MINDY2: variants seen among roughly 807,000 people sequenced by gnomAD.
MINDY2 encodes the protein ubiquitin carboxyl-terminal hydrolase MINDY-2.
MINDY2 carries 52 observed loss-of-function variants against 68.2 expected under a neutral mutation model. That is an observed-to-expected ratio of 0.76 (90% confidence interval 0.61 to 0.96). The LOEUF is 0.96. Among genes scored for constraint, MINDY2 ranks in the 40% least tolerant of loss-of-function variants. The pLI, the probability that MINDY2 is intolerant of heterozygous loss-of-function variation, is 0.00. For synonymous variants in MINDY2, 372 were observed against 303.0 expected (o/e 1.23, Z -2.36); for missense variants, 881 against 773.4 (o/e 1.14, Z -1.65).
intron 6 of MINDY2, among the ~76,000 whole-genome samples, chr15:58,840,747 C>T (rs1341212551): frequency 6.7e-6 from 1 of 148,960 alleles, no homozygotes; most frequent in Non-Finnish European, 1.5e-5. Flanking sequence ...AGCTCCGCCT[C>T]CCAGGTTCAT....
chr15:58,787,140 CTT>C (rs58374538), intron 1 of MINDY2, among the ~76,000 whole-genome samples: 140 of 78,148 alleles, frequency 1.8e-3, no homozygotes, highest in African/African-American at 7.4e-3. Flanking sequence ...CATTTCTTTA[CTT>C]TTTTTTTTTT....
chr15:58,789,230 C>T (rs956029905), intron 2 of MINDY2, among the ~76,000 whole-genome samples: 2 of 151,990 alleles, frequency 1.3e-5, no homozygotes, highest in Admixed American at 6.6e-5. Flanking sequence ...CCCAGCTACT[C>T]GGGAGGCTGA....
At chr15:58,820,092 C>T (rs769678763) in intron 4 of MINDY2, among the ~76,000 whole-genome samples, 5 of 152,044 alleles carry the variant, frequency 3.3e-5, no homozygotes, top group South Asian at 2.1e-4. Context: ...ATAGTGAAAC[C>T]GCAACTCTAC....
intron 7 of MINDY2, among the ~76,000 whole-genome samples, chr15:58,850,625 C>T (rs1244101208): frequency 6.6e-6 from 1 of 152,166 alleles, no homozygotes; most frequent in African/African-American, 2.4e-5. Flanking sequence ...TCTCAGTCAC[C>T]TAGGCTACAG....
rs1484665548 is a variant in MINDY2 at position 58,859,889 on chromosome 15, A to G, written c.*5279A>G. On this transcript the variant is annotated 3_prime_UTR_variant, in exon 9 of 9. Coordinates refer to ENST00000559228, the MANE Select transcript of MINDY2 (RefSeq NM_001040450.3). ...CTTGAAAAACGGGGTAAAATTCTTCAACTATTGCCTCAAGTTCAGTTTTGT... is the reference window on the plus strand; with the variant it reads ...CTTGAAAAACGGGGTAAAATTCTTCGACTATTGCCTCAAGTTCAGTTTTGT... The G allele has an allele frequency of 1.3e-5, 2 of 152,196 alleles. No individual in the cohort carries two copies. Among genetic ancestry groups the G allele is most frequent in the Non-Finnish European group, 2.9e-5 (2 of 68,030 alleles). The allele number at this position is 152,196 out of a possible 1,614,324, so 9.4% of individuals were successfully genotyped here.
At chr15:58,849,979 T>C (rs1206431067) in intron 7 of MINDY2, among the ~76,000 whole-genome samples, 2 of 152,132 alleles carry the variant, frequency 1.3e-5, no homozygotes, top group Non-Finnish European at 2.9e-5. Flanking sequence ...TCAAGTGATG[T>C]GCCCGCCTTG....
intron 3 of MINDY2, among the ~76,000 whole-genome samples, chr15:58,803,397 G>C (rs1478775806): frequency 3.3e-5 from 5 of 151,924 alleles, no homozygotes; most frequent in African/African-American, 1.2e-4. Flanking sequence ...GATCCCAGGA[G>C]GCGGAAGTTG....
At chr15:58,784,917 G>A (rs78778748) in intron 1 of MINDY2, among the ~76,000 whole-genome samples, 3,993 of 151,776 alleles carry the variant, frequency 0.026, 187 homozygotes, top group African/African-American at 0.089. Context: ...CTGTAGACGT[G>A]AGCCACCGTA....
At chr15:58,810,760 C>T (rs150223890) in intron 4 of MINDY2, among the ~76,000 whole-genome samples, 5 of 152,220 alleles carry the variant, frequency 3.3e-5, no homozygotes, top group East Asian at 1.9e-4. Flanking sequence ...CATTACAGGG[C>T]AAAGATACAG....
rs77064120 is a variant in MINDY2, at chr15:58,782,742, T to G, written c.841-5164T>G. Among the ~76,000 whole-genome samples, 348 of 148,904 alleles carry G rather than the reference T, an allele frequency of 2.3e-3. 11 individuals carry two copies. In the East Asian group the frequency reaches 0.046, roughly 20 times the overall value. On this transcript the variant is annotated intron_variant, in intron 1 of 8. Transcript: ENST00000559228. ...AATTGGCTTTGGTGTCTGATCTCACTTCTCATCACAGTACTTCTACTTACT... is the reference window on the plus strand; with the variant it reads ...AATTGGCTTTGGTGTCTGATCTCACGTCTCATCACAGTACTTCTACTTACT...
intron 6 of MINDY2, among the ~76,000 whole-genome samples, chr15:58,838,259 A>G (rs918794317): frequency 1.8e-4 from 28 of 151,908 alleles, no homozygotes; most frequent in African/African-American, 6.8e-4. Flanking sequence ...CTAGCTGGGC[A>G]TGGTGGTGTG....
intron 6 of MINDY2, among the ~76,000 whole-genome samples, chr15:58,835,568 G>A (rs1235145500): frequency 3.3e-5 from 5 of 152,236 alleles, no homozygotes; most frequent in Admixed American, 6.5e-5. Flanking sequence ...CAGGAGAATC[G>A]CCAGAACCTG....
At chr15:58,849,744 AC>A (rs2032721806) in intron 7 of MINDY2, among the ~76,000 whole-genome samples, 1 of 151,966 alleles carries the variant, frequency 6.6e-6, no homozygotes, top group Non-Finnish European at 1.5e-5. Flanking sequence ...CCAGGCAACA[AC>A]CTTTTTTATT....
intron 6 of MINDY2, among the ~76,000 whole-genome samples, chr15:58,846,896 G>T (rs892239149): frequency 2.6e-5 from 4 of 151,904 alleles, no homozygotes; most frequent in African/African-American, 4.8e-5. Context: ...GGTGTGGATT[G>T]GACTAGTCAT....
chr15:58,788,857 C>T (rs368749431), intron 2 of MINDY2, among the ~76,000 whole-genome samples: 6 of 151,586 alleles, frequency 4.0e-5, no homozygotes, highest in South Asian at 2.1e-4. Context: ...ACTAAAAATA[C>T]AAAAATTAGC....
At chr15:58,800,083 G>A (rs1412963029) in intron 2 of MINDY2, among the ~76,000 whole-genome samples, 2 of 152,136 alleles carry the variant, frequency 1.3e-5, no homozygotes, top group East Asian at 1.9e-4. Flanking sequence ...TTTTAATTTC[G>A]CCCAGAGTTG....
At chr15:58,849,846 A>AAC (rs2032725443) in intron 7 of MINDY2, among the ~76,000 whole-genome samples, 1 of 151,998 alleles carries the variant, frequency 6.6e-6, no homozygotes, top group African/African-American at 2.4e-5. Context: ...GGCTCAAGCA[A>AAC]ACACCTCAGC....
At chr15:58,850,151 T>TATA (rs1341822338) in intron 7 of MINDY2, among the ~76,000 whole-genome samples, 1 of 152,188 alleles carries the variant, frequency 6.6e-6, no homozygotes, top group African/African-American at 2.4e-5. Context: ...CGACTCTTAA[T>TATA]AAAGTGGATA....
chr15:58,854,813 T>A lies in MINDY2; in HGVS notation c.*203T>A. The A allele has an allele frequency of 2.3e-6, 1 of 429,524 alleles. No individual in the cohort carries two copies. Among genetic ancestry groups the A allele is most frequent in the Non-Finnish European group, 4.0e-6 (1 of 250,282 alleles). 26.6% of individuals were successfully genotyped at this position (429,524 alleles called of 1,614,324 possible). On this transcript the variant is annotated 3_prime_UTR_variant, in exon 9 of 9. Transcript: ENST00000559228. ...CTCTTTATGAGCTGGAGTTTCATGT[T>A]ACAAGTTGGAAATGCTGTGTGTTGA...
Sources: allele counts gnomAD v4.1 joint callset (sites outside exome capture counted in the v4.1 genomes callset), GRCh38; gene constraint gnomAD v4.1.1; transcripts MANE v1.5; gene names NCBI Gene and HGNC (gene_info 2026-07-23, HGNC 2026-07-21).